Variants in CEP126 observed in about 807,000 individuals in gnomAD.
CEP126 encodes centrosomal protein 126.
CEP126 carries 74 observed loss-of-function variants against 107.8 expected under a neutral mutation model. That is an observed-to-expected ratio of 0.69 (90% CI 0.57 to 0.83). The LOEUF (loss-of-function observed/expected upper bound fraction) is 0.83. Among genes scored for constraint, CEP126 ranks in the 40% least tolerant of loss-of-function variants. The pLI is 0.00. For missense variants in CEP126, 1,237 were observed against 1,281.9 expected (o/e 0.96, Z 0.53); for synonymous variants, 449 against 446.0 (o/e 1.01, Z -0.08).
intron 1 of CEP126, among the ~76,000 whole-genome samples, chr11:101,922,326 A>G (rs913775200): frequency 6.6e-6 from 1 of 151,858 alleles, no homozygotes; most frequent in African/African-American, 2.4e-5. Flanking sequence ...CACCACGTCC[A>G]GCTAATTTTT....
At chr11:101,956,753 T>C (rs1221585567) in intron 4 of CEP126, 1 of 454,384 alleles carries the variant, frequency 2.2e-6, no homozygotes, top group Admixed American at 2.4e-5. Flanking sequence ...TGTTTCTTCT[T>C]CCTTTATGAT....
intron 2 of CEP126, among the ~76,000 whole-genome samples, chr11:101,935,640 A>T (rs1208059417): frequency 1.3e-5 from 2 of 152,046 alleles, no homozygotes; most frequent in South Asian, 4.1e-4. Context: ...TTGAGGGTCT[A>T]CTTCTGTGCT....
At position 101,963,038 on chromosome 11, in the gene CEP126, G is replaced by A; in HGVS notation, c.2003G>A (p.Gly668Asp). 2 of 1,614,080 alleles carry A rather than the reference G, an allele frequency of 1.2e-6. No homozygotes were observed. The highest frequency in any genetic ancestry group is 1.1e-5 in the South Asian group (1 of 91,078). ...TCTCAACAATTCCACATTCAAAGTG[G>A]TGCTGGAAGCAACATAATTAGTGTT... The part of the protein sequence containing the change: ...QHSQQFHIQS[G>D]AGSNIISVST... Residue 668 changes from glycine to aspartate, a missense_variant, in exon 6 of 11, where the codon GGT (glycine) becomes GAT (aspartate). Gly to Asp is a moderately conservative substitution (Grantham distance 94). Transcript: ENST00000263468.
intron 9 of CEP126, among the ~76,000 whole-genome samples, chr11:101,991,394 CAA>C (rs1177948376): frequency 6.6e-6 from 1 of 151,328 alleles, no homozygotes; most frequent in Non-Finnish European, 1.5e-5. Context: ...ACAAAAAGAA[CAA>C]GAGAAAAAAA....
chr11:101,963,579 C>T lies in CEP126; in HGVS notation c.2544C>T (p.His848=). The T allele has an allele frequency of 6.2e-7, 1 of 1,614,162 alleles. No homozygotes were observed. Among genetic ancestry groups the T allele is most frequent in the South Asian group, 1.1e-5 (1 of 91,080 alleles). The change falls in exon 6 of 11, where the codon CAC becomes CAT. Residue 848 remains histidine (H), a synonymous_variant. Coordinates refer to ENST00000263468, the MANE Select transcript of CEP126 (RefSeq NM_020802.4). The part of the protein sequence containing the change: ...FNSKHVLPTE[H]SLNQWNQESS... The stretch of plus-strand genomic sequence containing the variant: ...CAAAACATGTGCTTCCAACAGAACA[C>T]AGTTTGAATCAGTGGAATCAGGAAA...
At position 101,931,081 on chromosome 11, in the gene CEP126, T is replaced by C. The variant is rs1940492593; in HGVS notation, c.248+8321T>C. On this transcript the variant is annotated intron_variant, in intron 2 of 10. Coordinates refer to ENST00000263468, the MANE Select transcript of CEP126 (RefSeq NM_020802.4). Reference sequence around the variant, plus strand: ...TTTAACCTACTAAATTGAGGGATTTTGTTAGAACTGAAATCTAAGGATAGT... The same window carrying C: ...TTTAACCTACTAAATTGAGGGATTTCGTTAGAACTGAAATCTAAGGATAGT... Among the ~76,000 whole-genome samples, 3 of 152,328 alleles carry C rather than the reference T, an allele frequency of 2.0e-5. No homozygotes were observed. The South Asian group carries it at 6.2e-4, about 32-fold the overall frequency.
chr11:101,935,278 G>GT (rs1224322222), intron 2 of CEP126, among the ~76,000 whole-genome samples: 1 of 151,682 alleles, frequency 6.6e-6, no homozygotes, highest in African/African-American at 2.4e-5. Context: ...GATTTATATT[G>GT]TAAGTATTTT....
chr11:101,981,236 A>G (rs1324541156), intron 7 of CEP126, among the ~76,000 whole-genome samples: 5 of 152,216 alleles, frequency 3.3e-5, no homozygotes, highest in Admixed American at 1.3e-4. Context: ...TCACCCTTAC[A>G]ATGACAAACC....
At chr11:101,937,192 A>G (rs1435698161) in intron 2 of CEP126, among the ~76,000 whole-genome samples, 2 of 152,202 alleles carry the variant, frequency 1.3e-5, no homozygotes, top group Non-Finnish European at 2.9e-5. Flanking sequence ...CAAAGATGTC[A>G]TTGTCTCAGT....
intron 1 of CEP126, among the ~76,000 whole-genome samples, chr11:101,917,168 G>T (rs906638330): frequency 1.3e-5 from 2 of 151,352 alleles, no homozygotes; most frequent in African/African-American, 4.9e-5. Context: ...AATTATTTTT[G>T]AACATAATAA....
At chr11:101,930,573 G>C (rs1028474447) in intron 2 of CEP126, among the ~76,000 whole-genome samples, 2 of 152,174 alleles carry the variant, frequency 1.3e-5, no homozygotes, top group African/African-American at 4.8e-5. Flanking sequence ...CCATGGAACA[G>C]GACCCCAACG....
chr11:101,923,729 T>A (rs1380990196), intron 2 of CEP126, among the ~76,000 whole-genome samples: 1 of 152,156 alleles, frequency 6.6e-6, no homozygotes, highest in Non-Finnish European at 1.5e-5. Flanking sequence ...GTGTGACAGG[T>A]GTTCAGTAAA....
intron 2 of CEP126, among the ~76,000 whole-genome samples, chr11:101,933,086 T>C (rs181606455): frequency 6.6e-6 from 1 of 152,294 alleles, no homozygotes; most frequent in African/African-American, 2.4e-5. Context: ...CTGCACTCAG[T>C]GAACTTGAAG....
chr11:101,960,110 G>A, intron 5 of CEP126, among the ~76,000 whole-genome samples: 1 of 151,912 alleles, frequency 6.6e-6, no homozygotes, highest in Non-Finnish European at 1.5e-5. Flanking sequence ...CTAAAAATCA[G>A]ATTAAAGCCA....
At chr11:101,997,554 T>C in intron 10 of CEP126, 45 bp from the exon 11 acceptor site, 1 of 1,613,740 alleles carries the variant, frequency 6.2e-7, no homozygotes, top group East Asian at 2.2e-5. Flanking sequence ...AGCTGCAGTG[T>C]TTTGGCATGT....
In CEP126 at chr11:101,962,589, T is replaced by G. The variant is rs761367376; in HGVS notation, c.1554T>G (p.Phe518Leu). ...GCAATAAGGAAGAGTTGCCTTTATT[T>G]TCAGACAGTTTTCAAGATGCCTATA... ...FNCNKEELPL[F>L]SDSFQDAYIP... Residue 518 changes from phenylalanine (F) to leucine (L), a missense_variant, in exon 6 of 11, where the codon TTT (phenylalanine) becomes TTG (leucine). Phe to Leu is a conservative substitution (Grantham distance 22). Coordinates refer to ENST00000263468, the MANE Select transcript of CEP126 (RefSeq NM_020802.4). 1 of 1,613,692 alleles carries G rather than the reference T, an allele frequency of 6.2e-7. No individual in the cohort carries two copies. The highest frequency in any genetic ancestry group is 8.5e-7 in the Non-Finnish European group (1 of 1,179,838).
chr11:101,956,579 C>G (rs772618384), intron 4 of CEP126: 31 of 456,346 alleles, frequency 6.8e-5, no homozygotes, highest in South Asian at 4.8e-4. Flanking sequence ...AGCCTGTATA[C>G]TGTTTTCTTC....
At chr11:101,937,210 G>A (rs1454157412) in intron 2 of CEP126, among the ~76,000 whole-genome samples, 1 of 152,184 alleles carries the variant, frequency 6.6e-6, no homozygotes, top group South Asian at 2.1e-4. Context: ...AGTCAACCAC[G>A]TGGACAATCT....
intron 2 of CEP126, among the ~76,000 whole-genome samples, chr11:101,930,177 G>A (rs1251863370): frequency 1.8e-5 from 2 of 109,478 alleles, no homozygotes; most frequent in East Asian, 4.5e-4. Flanking sequence ...TGGGGAGGGC[G>A]TAGTTGCCCC....
Sources: gnomAD v4.1 joint callset for allele counts (sites outside exome capture counted in the v4.1 genomes callset) on GRCh38, gnomAD v4.1.1 for gene constraint, MANE v1.5 for transcripts, NCBI Gene and HGNC (gene_info 2026-07-23, HGNC 2026-07-21) for gene names.